SMC6: variants seen among roughly 807,000 people sequenced by gnomAD.
The protein encoded by SMC6 is structural maintenance of chromosomes protein 6.
SMC6 carries 79 observed loss-of-function variants against 142.2 expected under a neutral mutation model. That is an observed-to-expected ratio of 0.56 (90% CI 0.46 to 0.67). SMC6 has a LOEUF of 0.67. Ranked by LOEUF, SMC6 falls within the 30% of genes least tolerant of loss-of-function variation. The pLI, the probability that SMC6 is intolerant of heterozygous loss-of-function variation, is 0.00. For missense variants in SMC6, 1,072 were observed against 1,284.0 expected (o/e 0.83, Z 2.52); for synonymous variants, 411 against 412.4 (o/e 1.00, Z 0.04).
intron 11 of SMC6, among the ~76,000 whole-genome samples, chr2:17,720,394 C>T (rs1029811277): frequency 1.3e-5 from 2 of 152,182 alleles, no homozygotes; most frequent in African/African-American, 4.8e-5. Context: ...AGATGTCAGG[C>T]TGAAATTAAC....
intron 7 of SMC6, among the ~76,000 whole-genome samples, chr2:17,730,248 A>C (rs1669841444): frequency 6.6e-6 from 1 of 152,238 alleles, no homozygotes; most frequent in Non-Finnish European, 1.5e-5. Flanking sequence ...CCCTATTATC[A>C]ATTAATTCAG....
chr2:17,675,739 G>T (rs992982524), intron 25 of SMC6, among the ~76,000 whole-genome samples: 1 of 151,916 alleles, frequency 6.6e-6, no homozygotes, highest in Non-Finnish European at 1.5e-5. Context: ...TTGCTCTTTC[G>T]AAACTAATGC....
At chr2:17,694,274 T>A (rs558709769) in intron 23 of SMC6, among the ~76,000 whole-genome samples, 28 of 152,240 alleles carry the variant, frequency 1.8e-4, no homozygotes, top group African/African-American at 6.7e-4. Context: ...TAGAATAAGT[T>A]CTGCTGTTTG....
intron 23 of SMC6, among the ~76,000 whole-genome samples, chr2:17,692,399 C>T (rs1048560034): frequency 1.3e-5 from 2 of 152,154 alleles, no homozygotes; most frequent in African/African-American, 4.8e-5. Context: ...AGAAATAATG[C>T]CGCATATCTA....
chr2:17,674,829 A>G (rs975080869), intron 25 of SMC6, among the ~76,000 whole-genome samples: 1 of 152,126 alleles, frequency 6.6e-6, no homozygotes, highest in Non-Finnish European at 1.5e-5. Context: ...ATTACAGCTT[A>G]ACCAGCTTCC....
intron 2 of SMC6, among the ~76,000 whole-genome samples, chr2:17,749,607 A>G (rs11900031): frequency 0.19 from 28,511 of 151,954 alleles, 3,947 homozygotes; most frequent in African/African-American, 0.4. Flanking sequence ...AGAATGGCTT[A>G]AACCCAGGAG....
At chr2:17,711,542 G>C (rs1256559576) in intron 16 of SMC6, among the ~76,000 whole-genome samples, 1 of 152,056 alleles carries the variant, frequency 6.6e-6, no homozygotes, top group Non-Finnish European at 1.5e-5. Context: ...TTGATAAAAA[G>C]ATGTGATTTC....
At chr2:17,741,500 C>A in intron 4 of SMC6, 112 bp downstream of exon 4, 1 of 641,800 alleles carries the variant, frequency 1.6e-6, no homozygotes, top group South Asian at 2.3e-5. Context: ...ACAAGTTATA[C>A]ATCTATAGAA....
intron 7 of SMC6, among the ~76,000 whole-genome samples, chr2:17,728,120 T>C (rs1049358416): frequency 1.4e-4 from 22 of 152,180 alleles, no homozygotes; most frequent in Admixed American, 2.6e-4. Context: ...AGTTCCTACT[T>C]GTTATACTCC....
chr2:17,730,430 G>A (rs1669849555), intron 7 of SMC6, among the ~76,000 whole-genome samples: 1 of 149,920 alleles, frequency 6.7e-6, no homozygotes, highest in Admixed American at 6.6e-5. Context: ...TAGCAACTGA[G>A]TTTAGGGAAC....
intron 26 of SMC6, among the ~76,000 whole-genome samples, chr2:17,669,399 T>C (rs961347938): frequency 6.6e-6 from 1 of 152,170 alleles, no homozygotes; most frequent in African/African-American, 2.4e-5. Flanking sequence ...ACGCAGGTAG[T>C]AGTTTTGGGG....
At chr2:17,742,385 T>C (rs1015749228) in intron 3 of SMC6, among the ~76,000 whole-genome samples, 6 of 152,218 alleles carry the variant, frequency 3.9e-5, no homozygotes, top group Non-Finnish European at 8.8e-5. Flanking sequence ...CTTTTGGCAA[T>C]GTATAAAGCA....
rs1669006238 is a variant in SMC6, at chr2:17,714,954, T to C, written c.1637A>G (p.Gln546Arg). Residue 546 changes from glutamine (Q) to arginine (R), a missense_variant, in exon 16 of 28, where the codon CAG becomes CGG. Coordinates refer to ENST00000448223, the MANE Select transcript of SMC6 (RefSeq NM_001142286.2). ...CHNHADERVL[Q>R]ALMKRFYLPG... ...TAAATAAAACCTTTTCATGAGTGCC[T>C]GAAGGACCCTTTCATCAGCATGATT... The C allele has an allele frequency of 6.2e-7, 1 of 1,613,906 alleles. No homozygotes were observed. Among genetic ancestry groups the C allele is most frequent in the Non-Finnish European group, 8.5e-7 (1 of 1,179,952 alleles).
Position 17,664,739 on chromosome 2 carries a change from TG to T in SMC6, c.*759del, listed in dbSNP as rs150605606. The T allele has an allele frequency of 0.052, 7,852 of 152,360 alleles. 230 individuals are homozygous for T. The highest frequency in any genetic ancestry group is 0.11 in the Middle Eastern group (32 of 294). 9.4% of individuals were successfully genotyped at this position (152,360 alleles called of 1,614,324 possible). On this transcript the variant is annotated 3_prime_UTR_variant, in exon 28 of 28. Transcript: ENST00000448223. Reference sequence around the variant, plus strand: ...AGCCATGAGCTACTCTCCTGCTCCATGAGGATCCACCCTCCACTCCCAGTTT... The same window carrying T: ...AGCCATGAGCTACTCTCCTGCTCCATAGGATCCACCCTCCACTCCCAGTTT...
intron 16 of SMC6, among the ~76,000 whole-genome samples, chr2:17,712,555 G>A (rs1179607325): frequency 6.6e-6 from 1 of 152,138 alleles, no homozygotes; most frequent in Non-Finnish European, 1.5e-5. Context: ...GGAAAGGAAA[G>A]CACATTTTCT....
chr2:17,722,551 TATCTCCTCC>T (rs1669424306), intron 9 of SMC6, among the ~76,000 whole-genome samples: 1 of 152,188 alleles, frequency 6.6e-6, no homozygotes, highest in African/African-American at 2.4e-5. Context: ...AAATTGTCTC[TATCTCCTCC>T]ATCTCCTCAC....
At chr2:17,718,644 A>G (rs1034434790) in intron 11 of SMC6, among the ~76,000 whole-genome samples, 1 of 152,234 alleles carries the variant, frequency 6.6e-6, no homozygotes, top group Non-Finnish European at 1.5e-5. Flanking sequence ...TAGTATTTTG[A>G]GCTGAGATTT....
intron 27 of SMC6, 68 bp from the exon 28 acceptor site, chr2:17,665,681 A>T: frequency 2.3e-6 from 2 of 880,052 alleles, no homozygotes; most frequent in Non-Finnish European, 3.5e-6. Flanking sequence ...AAATTCTAAT[A>T]TTACCTCATG....
At chr2:17,702,682 T>A (rs1030969766) in intron 19 of SMC6, among the ~76,000 whole-genome samples, 1 of 152,190 alleles carries the variant, frequency 6.6e-6, no homozygotes, top group Non-Finnish European at 1.5e-5. Context: ...AATTGAACCA[T>A]GGAGGCAGCT....
Sources: allele counts gnomAD v4.1 joint callset (sites outside exome capture counted in the v4.1 genomes callset), GRCh38; gene constraint gnomAD v4.1.1; transcripts MANE v1.5; gene names NCBI Gene and HGNC (gene_info 2026-07-23, HGNC 2026-07-21).